The following PTPRG variants were observed in gnomAD, a reference collection of about 807,000 sequenced individuals.
PTPRG encodes receptor-type tyrosine-protein phosphatase gamma.
Under a neutral mutation model 165.3 loss-of-function variants are expected in PTPRG, and 102 were observed. The observed-to-expected ratio is 0.62, with a 90% CI of 0.53 to 0.73. PTPRG has a LOEUF of 0.73. PTPRG is among the 30% of genes least tolerant of loss of function. The pLI is 0.00. For synonymous variants in PTPRG, 675 were observed against 669.5 expected (o/e 1.01, Z -0.13); for missense variants, 1,866 against 1,861.4 (o/e 1.00, Z -0.05).
intron 2 of PTPRG, among the ~76,000 whole-genome samples, chr3:61,801,185 G>T (rs1363065920): frequency 6.6e-6 from 1 of 152,116 alleles, no homozygotes; most frequent in East Asian, 1.9e-4. Flanking sequence ...GCTTAATTTA[G>T]CTTCAAAAGC....
intron 4 of PTPRG, among the ~76,000 whole-genome samples, chr3:62,058,158 A>G (rs945240271): frequency 2.0e-5 from 3 of 152,106 alleles, no homozygotes; most frequent in African/African-American, 7.2e-5. Flanking sequence ...TCTCTGTACA[A>G]TTCAGAAAGC....
At chr3:61,902,664 G>T (rs1199729322) in intron 2 of PTPRG, among the ~76,000 whole-genome samples, 4 of 152,192 alleles carry the variant, frequency 2.6e-5, no homozygotes, top group Admixed American at 1.3e-4. Context: ...TACCTGTAAA[G>T]TATCAGCAGT....
chr3:61,817,237 G>C (rs1317662001), intron 2 of PTPRG, among the ~76,000 whole-genome samples: 1 of 138,554 alleles, frequency 7.2e-6, no homozygotes, highest in Non-Finnish European at 1.5e-5. Flanking sequence ...TATTTATAGA[G>C]AGCTGTTGGG....
At chr3:61,836,534 C>T (rs2107314209) in intron 2 of PTPRG, among the ~76,000 whole-genome samples, 1 of 152,306 alleles carries the variant, frequency 6.6e-6, no homozygotes, top group East Asian at 1.9e-4. Flanking sequence ...GCTCTTACTA[C>T]CTTCCGGGTA....
chr3:62,193,602 G>A (rs181351281), intron 9 of PTPRG, among the ~76,000 whole-genome samples: 3 of 152,244 alleles, frequency 2.0e-5, no homozygotes, highest in Non-Finnish European at 4.4e-5. Flanking sequence ...TCCACCTTCC[G>A]CATCGTCACC....
intron 19 of PTPRG, among the ~76,000 whole-genome samples, chr3:62,268,074 C>G (rs1701942304): frequency 6.6e-6 from 1 of 152,002 alleles, no homozygotes; most frequent in Admixed American, 6.6e-5. Context: ...GTACATTCCT[C>G]TGTACAGAGA....
chr3:62,103,527 A>G (rs1004849397), intron 5 of PTPRG, among the ~76,000 whole-genome samples: 3 of 152,238 alleles, frequency 2.0e-5, no homozygotes, highest in Non-Finnish European at 4.4e-5. Flanking sequence ...GGCCAGCCCT[A>G]GAAAGGAATA....
chr3:61,583,580 A>C (rs113045875), intron 1 of PTPRG, among the ~76,000 whole-genome samples: 2 of 151,738 alleles, frequency 1.3e-5, no homozygotes, highest in African/African-American at 2.4e-5. Flanking sequence ...GACCTTTGCT[A>C]CTCTTTGGGT....
At chr3:61,853,757 A>C (rs2037029758) in intron 2 of PTPRG, among the ~76,000 whole-genome samples, 1 of 152,204 alleles carries the variant, frequency 6.6e-6, no homozygotes, top group African/African-American at 2.4e-5. Flanking sequence ...AAGTCTTTAC[A>C]TAAAATATTC....
chr3:62,182,158 G>A (rs1424228563), intron 8 of PTPRG, among the ~76,000 whole-genome samples: 1 of 152,130 alleles, frequency 6.6e-6, no homozygotes, highest in African/African-American at 2.4e-5. Context: ...TCATTTTCTT[G>A]TTGAGTAGGC....
intron 2 of PTPRG, among the ~76,000 whole-genome samples, chr3:61,980,728 A>G (rs1212143691): frequency 6.6e-6 from 1 of 152,238 alleles, no homozygotes; most frequent in African/African-American, 2.4e-5. Flanking sequence ...AAAAGTCTAG[A>G]GATAAAATTT....
At chr3:62,067,429 C>T (rs894695133) in intron 4 of PTPRG, among the ~76,000 whole-genome samples, 1 of 152,076 alleles carries the variant, frequency 6.6e-6, no homozygotes, top group African/African-American at 2.4e-5. Context: ...TTGGGGAAGA[C>T]AATTTTTCCA....
At chr3:62,088,057 A>G (rs1575987335) in intron 5 of PTPRG, among the ~76,000 whole-genome samples, 1 of 152,178 alleles carries the variant, frequency 6.6e-6, no homozygotes, top group African/African-American at 2.4e-5. Flanking sequence ...TTGAACTTTG[A>G]ATTGAATGTA....
At chr3:62,121,292 C>T (rs1703062136) in intron 5 of PTPRG, among the ~76,000 whole-genome samples, 1 of 152,030 alleles carries the variant, frequency 6.6e-6, no homozygotes, top group Non-Finnish European at 1.5e-5. Context: ...GTGTTAGGAA[C>T]TGTGCTAAAT....
intron 8 of PTPRG, among the ~76,000 whole-genome samples, chr3:62,183,336 G>T (rs1008455546): frequency 2.0e-5 from 3 of 152,132 alleles, no homozygotes; most frequent in African/African-American, 7.2e-5. Flanking sequence ...GGCCGAAGTG[G>T]GTGGATCACT....
chr3:61,725,938 A>G lies in PTPRG; in HGVS notation c.86-22940A>G, dbSNP rs75928320. The stretch of plus-strand genomic sequence containing the variant: ...GAGAGTTCTCTGATCCTTCGGTCCT[A>G]TCTGACTTGGGTATGATAGGTATGT... On this transcript the variant is annotated intron_variant, in intron 1 of 29. Transcript: ENST00000474889. 8.4e-3 allele frequency among the ~76,000 whole-genome samples: 1,286 copies of G among 152,210 alleles called. 20 individuals carry two copies. Among genetic ancestry groups the G allele is most frequent in the African/African-American group, 0.028 (1,171 of 41,536 alleles).
chr3:61,894,376 T>C (rs2107506806), intron 2 of PTPRG, among the ~76,000 whole-genome samples: 1 of 137,310 alleles, frequency 7.3e-6, no homozygotes, highest in East Asian at 2.3e-4. Context: ...AGTTGGAAAC[T>C]ATTTAAAAGA....
intron 2 of PTPRG, 69 bp downstream of exon 2, chr3:61,749,051 C>T: frequency 8.5e-7 from 1 of 1,181,636 alleles, no homozygotes. Flanking sequence ...CTTGAAAGCA[C>T]ACTTTGAATC....
intron 17 of PTPRG, 110 bp downstream of exon 17, chr3:62,263,004 C>G (rs1576191505): frequency 7.8e-6 from 6 of 773,098 alleles, no homozygotes; most frequent in East Asian, 5.5e-5. Context: ...AAGAATGATT[C>G]TTGCAAGCTA....
Sources: gnomAD v4.1 joint callset for allele counts (sites outside exome capture counted in the v4.1 genomes callset) on GRCh38, gnomAD v4.1.1 for gene constraint, MANE v1.5 for transcripts, NCBI Gene and HGNC (gene_info 2026-07-23, HGNC 2026-07-21) for gene names.